EPN2: variants seen among roughly 807,000 people sequenced by gnomAD.
EPN2 encodes epsin-2.
In EPN2, 34 loss-of-function variants were observed where a neutral mutation model predicts 61.7. The observed-to-expected ratio is 0.55, with a 90% confidence interval of 0.42 to 0.73. EPN2 has a LOEUF of 0.73. Ranked by LOEUF, EPN2 falls within the 30% of genes least tolerant of loss-of-function variation. The pLI, the probability that EPN2 is intolerant of heterozygous loss-of-function variation, is 0.00. For synonymous variants in EPN2, 349 were observed against 353.6 expected (o/e 0.99, Z 0.15); for missense variants, 714 against 839.2 (o/e 0.85, Z 1.84).
chr17:19,255,160 G>A (rs1022677277), intron 1 of EPN2, among the ~76,000 whole-genome samples: 30 of 152,152 alleles, frequency 2.0e-4, no homozygotes, highest in African/African-American at 6.3e-4. Context: ...TGGTCACAGC[G>A]TTGGGGTGCA....
At chr17:19,304,197 T>C (rs1905701341) in intron 4 of EPN2, among the ~76,000 whole-genome samples, 3 of 152,198 alleles carry the variant, frequency 2.0e-5, no homozygotes, top group African/African-American at 7.2e-5. Context: ...AGCATCTCCC[T>C]GCGAGGAGGT....
At chr17:19,310,537 C>CTCT (rs1555602466) in intron 5 of EPN2, among the ~76,000 whole-genome samples, 2 of 139,786 alleles carry the variant, frequency 1.4e-5, no homozygotes, top group African/African-American at 5.4e-5. Flanking sequence ...CTTTTCTTTT[C>CTCT]TCTTTTCTTT....
chr17:19,258,335 G>T (rs2045104340), intron 1 of EPN2, among the ~76,000 whole-genome samples: 1 of 152,184 alleles, frequency 6.6e-6, no homozygotes, highest in African/African-American at 2.4e-5. Flanking sequence ...TGATATAAAT[G>T]AGAGAGTGGG....
intron 4 of EPN2, 102 bp from the exon 5 acceptor site, chr17:19,309,783 G>C (rs1003722009): frequency 1.2e-6 from 1 of 834,030 alleles, no homozygotes. Context: ...TGGACCTTGC[G>C]GGTTTGAGAT....
intron 1 of EPN2, among the ~76,000 whole-genome samples, chr17:19,276,773 G>GCTTTTTTTTTTTT (rs2045309653): frequency 1.7e-5 from 2 of 119,328 alleles, no homozygotes; most frequent in African/African-American, 8.3e-5. Flanking sequence ...ATGAGAATAA[G>GCTTTTTTTTTTTT]TTTTTTTTTT....
At chr17:19,244,821 T>A (rs904908487) in intron 1 of EPN2, among the ~76,000 whole-genome samples, 20 of 152,192 alleles carry the variant, frequency 1.3e-4, no homozygotes, top group Non-Finnish European at 2.5e-4. Flanking sequence ...TTTAAAAAAC[T>A]AAGAGGGGTT....
chr17:19,267,257 T>C (rs951551734), intron 1 of EPN2, among the ~76,000 whole-genome samples: 6 of 151,852 alleles, frequency 4.0e-5, no homozygotes, highest in Non-Finnish European at 2.9e-5. Flanking sequence ...CACTAATGGA[T>C]GTTGGGCTTA....
rs1907310325 is a variant in EPN2 at position 19,334,495 on chromosome 17, T to C, written c.*241T>C. The C allele has an allele frequency of 2.7e-6, 1 of 375,592 alleles. No individual in the cohort carries two copies. Among genetic ancestry groups the C allele is most frequent in the East Asian group, 3.9e-5 (1 of 25,764 alleles). 23.3% of individuals were successfully genotyped at this position (375,592 alleles called of 1,614,324 possible). On this transcript the variant is annotated 3_prime_UTR_variant, in exon 11 of 11. Coordinates refer to ENST00000314728, the MANE Select transcript of EPN2 (RefSeq NM_014964.5). This position sits in a 1 kb window ranked among gnomAD's most constrained non-coding sequence, Gnocchi z 4.9. ...CAAAGCACTGAGGTCCTGGCAGGGC[T>C]CCTCTGAGGCCTTGGACGAGGACGT...
At position 19,312,071 on chromosome 17, in the gene EPN2, G is replaced by T. The variant is rs773633651; in HGVS notation, c.899G>T (p.Gly300Val). The change falls in exon 6 of 11, where the codon GGT (glycine) becomes GTT (valine). Residue 300 changes from glycine (G) to valine (V), a missense_variant. Transcript: ENST00000314728. ...VAEQEERLRR[G>V]DDLRLQMALE... is the part of the protein sequence containing the mutation. The stretch of plus-strand genomic sequence containing the variant: ...CTACAGGAAGAACGCCTCAGGCGGG[G>T]TGATGACCTCAGATTACAGATGGCC... 3 of 1,613,938 alleles carry T rather than the reference G, an allele frequency of 1.9e-6. No homozygotes were observed. In the South Asian group the frequency reaches 3.3e-5, roughly 18 times the overall value.
intron 1 of EPN2, among the ~76,000 whole-genome samples, chr17:19,258,542 CCA>C (rs1300165453): frequency 6.6e-6 from 1 of 152,158 alleles, no homozygotes; most frequent in Non-Finnish European, 1.5e-5. Context: ...CATATTCTTT[CCA>C]CACAGTTTAT....
intron 1 of EPN2, among the ~76,000 whole-genome samples, chr17:19,261,186 A>G (rs933746809): frequency 6.6e-6 from 1 of 152,202 alleles, no homozygotes; most frequent in Non-Finnish European, 1.5e-5. Context: ...GTTGCCCTCT[A>G]CAGGGCTTGT....
At chr17:19,254,941 G>T (rs1421586161) in intron 1 of EPN2, among the ~76,000 whole-genome samples, 1 of 152,184 alleles carries the variant, frequency 6.6e-6, no homozygotes, top group East Asian at 1.9e-4. Context: ...ATGGTTGTCA[G>T]TGTGGAAAGT....
chr17:19,332,629 C>T (rs1367076293), intron 10 of EPN2, among the ~76,000 whole-genome samples: 1 of 152,210 alleles, frequency 6.6e-6, no homozygotes, highest in Non-Finnish European at 1.5e-5. Context: ...TTCCTGTGTG[C>T]ATGAAACCCT....
intron 4 of EPN2, among the ~76,000 whole-genome samples, chr17:19,288,622 T>G (rs2045428161): frequency 6.6e-6 from 1 of 152,012 alleles, no homozygotes; most frequent in African/African-American, 2.4e-5. Flanking sequence ...GAGGTGGCGA[T>G]GAGTGACGGA....
At chr17:19,280,638 T>C (rs1039599252) in intron 1 of EPN2, among the ~76,000 whole-genome samples, 1 of 152,174 alleles carries the variant, frequency 6.6e-6, no homozygotes, top group African/African-American at 2.4e-5. Context: ...TGTCCCCTTT[T>C]TGTGTGTGGA....
intron 4 of EPN2, among the ~76,000 whole-genome samples, chr17:19,305,310 C>T (rs1303881951): frequency 6.6e-6 from 1 of 151,320 alleles, no homozygotes; most frequent in Admixed American, 6.6e-5. Flanking sequence ...TTAGTAGAGA[C>T]AGGGTTTTGC....
chr17:19,300,021 G>A (rs905143269), intron 4 of EPN2, among the ~76,000 whole-genome samples: 8 of 152,228 alleles, frequency 5.3e-5, no homozygotes, highest in East Asian at 1.9e-4. Context: ...GCAGATGGCC[G>A]GCTGGAAGCA....
intron 6 of EPN2, chr17:19,312,817 T>G (rs1027354253): frequency 1.1e-5 from 4 of 361,686 alleles, no homozygotes; most frequent in Non-Finnish European, 1.0e-5. Context: ...CTGGAGGAGG[T>G]CCACAGCCTG....
At chr17:19,324,885 T>A (rs1419213749) in intron 7 of EPN2, among the ~76,000 whole-genome samples, 2 of 152,164 alleles carry the variant, frequency 1.3e-5, no homozygotes, top group South Asian at 2.1e-4. Context: ...GAAATTTTTT[T>A]AAGAGGAAGG....
Sources: gnomAD v4.1 joint callset for allele counts (sites outside exome capture counted in the v4.1 genomes callset) on GRCh38, gnomAD v4.1.1 for gene constraint, Gnocchi (gnomAD v3.1) non-coding constraint, MANE v1.5 for transcripts, NCBI Gene and HGNC (gene_info 2026-07-23, HGNC 2026-07-21) for gene names.